THRB: variants seen among roughly 807,000 people sequenced by gnomAD.
THRB encodes nuclear receptor subfamily 1 group A member 2.
THRB carries 12 observed loss-of-function variants against 47.8 expected under a neutral mutation model. The ratio of observed to expected loss-of-function variants is 0.25; its 90% CI spans 0.16 to 0.41. The LOEUF is 0.41. Ranked by LOEUF, THRB falls within the 10% of genes least tolerant of loss-of-function variation. The pLI is 1.00. For synonymous variants in THRB, 218 were observed against 212.2 expected, an observed-to-expected ratio of 1.03 and a Z score of -0.24; for missense variants, 348 against 589.2, an observed-to-expected ratio of 0.59 and a Z score of 4.24.
chr3:24,213,304 CT>C (rs1248615673), intron 4 of THRB, among the ~76,000 whole-genome samples: 1 of 152,138 alleles, frequency 6.6e-6, no homozygotes, highest in Non-Finnish European at 1.5e-5. Context: ...ATGGAAAATT[CT>C]TGAGAAGGGA....
chr3:24,267,684 G>A (rs568599054), intron 3 of THRB, among the ~76,000 whole-genome samples: 2 of 152,080 alleles, frequency 1.3e-5, no homozygotes, highest in African/African-American at 2.4e-5. Flanking sequence ...GAATAATCCC[G>A]GTAGGTTGGT....
At chr3:24,272,951 A>G (rs1311397731) in intron 3 of THRB, among the ~76,000 whole-genome samples, 1 of 152,228 alleles carries the variant, frequency 6.6e-6, no homozygotes, top group East Asian at 1.9e-4. Context: ...TAAAAAACAA[A>G]TATCAATACT....
At chr3:24,463,005 C>G (rs2073832589) in intron 1 of THRB, among the ~76,000 whole-genome samples, 1 of 152,172 alleles carries the variant, frequency 6.6e-6, no homozygotes, top group Admixed American at 6.5e-5. Context: ...ACTTGGCTTC[C>G]CTCCTGGACA....
intron 5 of THRB, among the ~76,000 whole-genome samples, chr3:24,175,098 A>C (rs1313463959): frequency 6.6e-6 from 1 of 152,160 alleles, no homozygotes; most frequent in Non-Finnish European, 1.5e-5. Flanking sequence ...GAATTTATAC[A>C]CTCAGAAAAT....
At chr3:24,282,713 G>A (rs1010072872) in intron 3 of THRB, among the ~76,000 whole-genome samples, 1 of 149,210 alleles carries the variant, frequency 6.7e-6, no homozygotes, top group Non-Finnish European at 1.5e-5. Flanking sequence ...AAAAAAGAGA[G>A]AACAATCAAA....
intron 5 of THRB, among the ~76,000 whole-genome samples, chr3:24,166,316 C>G (rs1427487946): frequency 6.6e-6 from 1 of 152,130 alleles, no homozygotes. Flanking sequence ...AGCAGCTTTC[C>G]TTTTCTGTTG....
At chr3:24,321,600 T>C (rs2058488551) in intron 2 of THRB, among the ~76,000 whole-genome samples, 1 of 152,104 alleles carries the variant, frequency 6.6e-6, no homozygotes, top group Non-Finnish European at 1.5e-5. Flanking sequence ...ATAAATTCCT[T>C]GAAAATTTAT....
intron 6 of THRB, among the ~76,000 whole-genome samples, chr3:24,150,897 TG>T (rs894471315): frequency 2.0e-5 from 3 of 152,202 alleles, no homozygotes; most frequent in African/African-American, 7.2e-5. Context: ...ACTTTTGGAA[TG>T]AGAGTAGGTA....
chr3:24,313,793 T>TA (rs1232043867), intron 2 of THRB, among the ~76,000 whole-genome samples: 3,286 of 148,078 alleles, frequency 0.022, 99 homozygotes, highest in African/African-American at 0.072. Context: ...AGGCTTTTTT[T>TA]AAAAAAAAAA....
chr3:24,304,932 T>A (rs1157144285), intron 2 of THRB, among the ~76,000 whole-genome samples: 1 of 152,036 alleles, frequency 6.6e-6, no homozygotes, highest in African/African-American at 2.4e-5. Context: ...AAAACAGAAA[T>A]TAACTGACCC....
intron 2 of THRB, among the ~76,000 whole-genome samples, chr3:24,326,655 G>A (rs189567096): frequency 2.8e-4 from 43 of 151,960 alleles, no homozygotes; most frequent in African/African-American, 9.7e-4. Flanking sequence ...TTCCCAAAGG[G>A]AGCTAGTAAA....
intron 3 of THRB, among the ~76,000 whole-genome samples, chr3:24,235,802 C>T (rs1057380915): frequency 6.6e-6 from 1 of 152,132 alleles, no homozygotes; most frequent in African/African-American, 2.4e-5. Context: ...AATCAGTGGA[C>T]ATGCTAGATT....
intron 1 of THRB, among the ~76,000 whole-genome samples, chr3:24,414,491 C>T (rs2068582226): frequency 6.6e-6 from 1 of 151,178 alleles, no homozygotes; most frequent in Non-Finnish European, 1.5e-5. Flanking sequence ...ATAATTCAGG[C>T]CAAAAAAAAA....
intron 5 of THRB, among the ~76,000 whole-genome samples, chr3:24,185,104 TC>T (rs1216786582): frequency 6.6e-6 from 1 of 152,218 alleles, no homozygotes; most frequent in African/African-American, 2.4e-5. Context: ...TTAATAGTTT[TC>T]CCCTTTGCTG....
intron 1 of THRB, among the ~76,000 whole-genome samples, chr3:24,407,873 C>T (rs114089158): frequency 0.011 from 1,656 of 151,882 alleles, 19 homozygotes; most frequent in Non-Finnish European, 0.018. Flanking sequence ...TTGCTAGTGA[C>T]GATCAACTGC....
At chr3:24,325,560 G>T (rs2058749753) in intron 2 of THRB, among the ~76,000 whole-genome samples, 1 of 152,170 alleles carries the variant, frequency 6.6e-6, no homozygotes, top group African/African-American at 2.4e-5. Context: ...GGTGGTGCCT[G>T]CCTGTAATCT....
intron 5 of THRB, among the ~76,000 whole-genome samples, chr3:24,185,876 G>A (rs1019900786): frequency 6.6e-6 from 1 of 152,130 alleles, no homozygotes; most frequent in Non-Finnish European, 1.5e-5. Flanking sequence ...AAGACTTCAG[G>A]GGAGGATCAG....
chr3:24,218,335 TCTCTC>T (rs1343972443), intron 4 of THRB, among the ~76,000 whole-genome samples: 6,079 of 116,298 alleles, frequency 0.052, 452 homozygotes, highest in African/African-American at 0.2. Flanking sequence ...TCTCTCTCTC[TCTCTC>T]TCTTTTTTTT....
At chr3:24,485,292 C>A (rs1697118960) in intron 1 of THRB, among the ~76,000 whole-genome samples, 1 of 152,172 alleles carries the variant, frequency 6.6e-6, no homozygotes, top group Non-Finnish European at 1.5e-5. Context: ...AATCTGCTTT[C>A]AAATTAAACT....
Sources: gnomAD v4.1 joint callset for allele counts (sites outside exome capture counted in the v4.1 genomes callset) on GRCh38, gnomAD v4.1.1 for gene constraint, MANE v1.5 for transcripts, NCBI Gene and HGNC (gene_info 2026-07-23, HGNC 2026-07-21) for gene names.